Variants in JMJD1C observed in about 807,000 individuals in gnomAD.
JMJD1C encodes jumonji domain containing 1C.
JMJD1C carries 31 observed loss-of-function variants against 245.3 expected under a neutral mutation model. The ratio of observed to expected loss-of-function variants is 0.13; its 90% CI spans 0.09 to 0.17. JMJD1C has a LOEUF of 0.17. JMJD1C is among the 10% of genes least tolerant of loss of function. The probability of loss-of-function intolerance (pLI) is 1.00; values close to 1 mark genes in which losing one functional copy is unlikely to be tolerated. For missense variants in JMJD1C, 2,691 were observed against 3,000.2 expected (o/e 0.90, Z 2.41); for synonymous variants, 1,057 against 1,017.4 (o/e 1.04, Z -0.74).
intron 2 of JMJD1C, 77 bp downstream of exon 2, chr10:63,380,241 G>A (rs1947107012): frequency 1.4e-6 from 2 of 1,444,802 alleles, no homozygotes; most frequent in African/African-American, 1.4e-5. Flanking sequence ...ACCAAACCTG[G>A]CCTTTGTTTT....
intron 1 of JMJD1C, among the ~76,000 whole-genome samples, chr10:63,417,362 C>T (rs1949868709): frequency 6.6e-6 from 1 of 152,118 alleles, no homozygotes; most frequent in South Asian, 2.1e-4. Context: ...AAGTACCACC[C>T]TATGTAGTTA....
At chr10:63,429,166 G>A (rs2132821483) in intron 1 of JMJD1C, among the ~76,000 whole-genome samples, 1 of 152,178 alleles carries the variant, frequency 6.6e-6, no homozygotes, top group African/African-American at 2.4e-5. Context: ...TTTTAGTAGA[G>A]ACAGGGTTTC....
chr10:63,458,867 G>A (rs1204466606), intron 1 of JMJD1C, among the ~76,000 whole-genome samples: 1 of 151,976 alleles, frequency 6.6e-6, no homozygotes, highest in African/African-American at 2.4e-5. Flanking sequence ...GGGACCACAG[G>A]CACACACCAC....
intron 16 of JMJD1C, 23 bp from the exon 17 acceptor site, chr10:63,191,131 T>C: frequency 1.3e-6 from 2 of 1,561,366 alleles, no homozygotes; most frequent in Non-Finnish European, 1.8e-6. Flanking sequence ...ATTTCACAGA[T>C]TTTGTTTTGT....
At chr10:63,235,578 T>G (rs180905316) in intron 3 of JMJD1C, among the ~76,000 whole-genome samples, 1 of 152,322 alleles carries the variant, frequency 6.6e-6, no homozygotes, top group African/African-American at 2.4e-5. Flanking sequence ...GAAAGATTAT[T>G]TATCTATTTA....
At chr10:63,457,668 G>C (rs2133065596) in intron 1 of JMJD1C, among the ~76,000 whole-genome samples, 1 of 152,210 alleles carries the variant, frequency 6.6e-6, no homozygotes, top group South Asian at 2.1e-4. Context: ...AAGAGAAAGG[G>C]CTCAGAAAGA....
intron 2 of JMJD1C, among the ~76,000 whole-genome samples, chr10:63,364,132 C>G (rs546353827): frequency 6.6e-6 from 1 of 151,688 alleles, no homozygotes; most frequent in Non-Finnish European, 1.5e-5. Context: ...CCCAAAGTGC[C>G]GGGATTACAG....
intron 3 of JMJD1C, among the ~76,000 whole-genome samples, chr10:63,226,462 C>T (rs1849291421): frequency 1.3e-5 from 2 of 151,952 alleles, no homozygotes; most frequent in South Asian, 4.2e-4. Context: ...CCTATAATCC[C>T]AGCACTTCAG....
intron 2 of JMJD1C, among the ~76,000 whole-genome samples, chr10:63,292,654 T>C (rs1858919189): frequency 6.6e-6 from 1 of 152,076 alleles, no homozygotes; most frequent in Admixed American, 6.5e-5. Context: ...ATCATACTAA[T>C]GTTTACAAAC....
chr10:63,339,179 A>ATT (rs1480263467), intron 2 of JMJD1C, among the ~76,000 whole-genome samples: 1 of 152,186 alleles, frequency 6.6e-6, no homozygotes, highest in Non-Finnish European at 1.5e-5. Context: ...GTATACACCA[A>ATT]TGTAAAGGAG....
chr10:63,194,217 C>T, intron 14 of JMJD1C, 69 bp downstream of exon 14: 1 of 926,718 alleles, frequency 1.1e-6, no homozygotes, highest in Admixed American at 1.7e-5. Context: ...TTTCTAGATA[C>T]TCCTTTAAGT....
At chr10:63,351,033 T>C (rs776816309) in intron 2 of JMJD1C, among the ~76,000 whole-genome samples, 17 of 151,904 alleles carry the variant, frequency 1.1e-4, no homozygotes, top group Non-Finnish European at 2.1e-4. Context: ...ACATTTGATA[T>C]AGATTCTGTT....
At chr10:63,299,476 GCC>G (rs1859830989) in intron 2 of JMJD1C, among the ~76,000 whole-genome samples, 1 of 151,586 alleles carries the variant, frequency 6.6e-6, no homozygotes, top group Admixed American at 6.6e-5. Flanking sequence ...ACAGGCATGA[GCC>G]ACTGCACCTG....
chr10:63,199,543 T>C (rs1845800932), intron 11 of JMJD1C, among the ~76,000 whole-genome samples: 1 of 152,194 alleles, frequency 6.6e-6, no homozygotes, highest in Non-Finnish European at 1.5e-5. Context: ...CATCTTATTT[T>C]GGTTTTATGT....
chr10:63,287,422 A>T (rs1053667900), intron 2 of JMJD1C, among the ~76,000 whole-genome samples: 1 of 152,250 alleles, frequency 6.6e-6, no homozygotes, highest in Non-Finnish European at 1.5e-5. Context: ...AATTAAAGAC[A>T]TACCATTCAG....
intron 2 of JMJD1C, among the ~76,000 whole-genome samples, chr10:63,333,130 A>T (rs536781512): frequency 6.6e-6 from 1 of 152,190 alleles, no homozygotes; most frequent in Non-Finnish European, 1.5e-5. Context: ...AAATTAATAG[A>T]TTCTTAGCAT....
intron 2 of JMJD1C, among the ~76,000 whole-genome samples, chr10:63,307,560 G>A (rs1000577333): frequency 1.3e-5 from 2 of 152,170 alleles, no homozygotes; most frequent in Non-Finnish European, 1.5e-5. Context: ...CAGCCTGACA[G>A]AGAAGCTGAG....
chr10:63,338,432 C>T (rs1015208598), intron 2 of JMJD1C, among the ~76,000 whole-genome samples: 5 of 151,354 alleles, frequency 3.3e-5, no homozygotes, highest in African/African-American at 1.2e-4. Context: ...CCATTCTCAG[C>T]CCTTGATTTG....
intron 2 of JMJD1C, among the ~76,000 whole-genome samples, chr10:63,277,661 A>G (rs548223007): frequency 1.3e-5 from 2 of 151,846 alleles, no homozygotes; most frequent in African/African-American, 4.8e-5. Flanking sequence ...TAATCAGTAT[A>G]ATGAAAATTT....
Sources: gnomAD v4.1 joint callset for allele counts (sites outside exome capture counted in the v4.1 genomes callset) on GRCh38, gnomAD v4.1.1 for gene constraint, MANE v1.5 for transcripts, NCBI Gene and HGNC (gene_info 2026-07-23, HGNC 2026-07-21) for gene names.